Variants in CNTN5 observed in about 807,000 individuals in gnomAD.
CNTN5 encodes contactin-5.
In CNTN5, 77 loss-of-function variants were observed where a neutral mutation model predicts 129.1. The ratio of observed to expected loss-of-function variants is 0.60; its 90% CI spans 0.50 to 0.72. The LOEUF is 0.72. Ranked by LOEUF, CNTN5 falls within the 30% of genes least tolerant of loss-of-function variation. The pLI is 0.00. For missense variants in CNTN5, 1,478 were observed against 1,328.8 expected, an observed-to-expected ratio of 1.11 and a Z score of -1.75; for synonymous variants, 509 against 465.6, an observed-to-expected ratio of 1.09 and a Z score of -1.20.
rs117469182 is a variant in CNTN5, at chr11:99,654,377, G to T, written c.55+98108G>T. ...GTATCAGCTTCTTAAATAGGCCATT[G>T]GCATTCTTAGAGGTTTAGCGTGGAT... On this transcript the variant is annotated intron_variant, in intron 3 of 24. Transcript: ENST00000524871. 6.9e-3 allele frequency among the ~76,000 whole-genome samples: 1,042 copies of T among 152,116 alleles called. 70 individuals carry two copies. In the East Asian group the frequency reaches 0.17, roughly 24 times the overall value.
intron 9 of CNTN5, among the ~76,000 whole-genome samples, chr11:100,026,074 T>G (rs1021697794): frequency 2.6e-5 from 4 of 152,122 alleles, no homozygotes; most frequent in Non-Finnish European, 5.9e-5. Flanking sequence ...AATCTCCTCT[T>G]TAATTGTAAT....
At chr11:99,392,960 T>C (rs528065548) in intron 2 of CNTN5, among the ~76,000 whole-genome samples, 1 of 151,950 alleles carries the variant, frequency 6.6e-6, no homozygotes, top group East Asian at 1.9e-4. Context: ...TTGAATAGCA[T>C]GTGGAAATAA....
chr11:99,465,879 T>TC (rs1474966445), intron 2 of CNTN5, among the ~76,000 whole-genome samples: 1 of 145,700 alleles, frequency 6.9e-6, no homozygotes, highest in Non-Finnish European at 1.5e-5. Context: ...CACACCTTTT[T>TC]TTTTTTTTTT....
intron 1 of CNTN5, among the ~76,000 whole-genome samples, chr11:99,161,140 TCTA>T (rs1397856865): frequency 1.3e-5 from 2 of 152,166 alleles, no homozygotes; most frequent in Non-Finnish European, 2.9e-5. Context: ...CTGATTGATA[TCTA>T]CATTAATTTA....
rs148172343 is a variant in CNTN5, at chr11:99,702,635, C to G, written c.56-116909C>G. ...AACAATAAATATTTCAAAATTGGAT[C>G]ATATTCACTCCAGCAGCATTTAAGC... On this transcript the variant is annotated intron_variant, in intron 3 of 24. Transcript: ENST00000524871. Among the ~76,000 whole-genome samples the G allele has an allele frequency of 2.0e-3, 300 of 151,026 alleles. 1 individual carries two copies. The highest frequency in any genetic ancestry group is 7.1e-3 in the African/African-American group (295 of 41,420).
intron 9 of CNTN5, among the ~76,000 whole-genome samples, chr11:100,047,804 A>T (rs1197757461): frequency 6.6e-6 from 1 of 151,506 alleles, no homozygotes; most frequent in African/African-American, 2.4e-5. Context: ...AGAGGACATT[A>T]TCTAATCCAT....
At chr11:100,329,183 T>C (rs1007846299) in intron 21 of CNTN5, among the ~76,000 whole-genome samples, 3 of 152,072 alleles carry the variant, frequency 2.0e-5, no homozygotes, top group South Asian at 4.1e-4. Context: ...TGGTGACCTG[T>C]ATGACTCAGC....
chr11:100,042,376 C>CT (rs960225882), intron 9 of CNTN5, among the ~76,000 whole-genome samples: 3 of 151,508 alleles, frequency 2.0e-5, no homozygotes, highest in Admixed American at 6.6e-5. Flanking sequence ...ACAATGTTTC[C>CT]TTTTTTTTGT....
intron 2 of CNTN5, among the ~76,000 whole-genome samples, chr11:99,416,500 T>C (rs960309697): frequency 3.9e-5 from 6 of 152,058 alleles, no homozygotes; most frequent in Non-Finnish European, 8.8e-5. Context: ...TTACCCAGGC[T>C]GGTCTCAAAT....
intron 1 of CNTN5, among the ~76,000 whole-genome samples, chr11:99,047,171 A>T (rs1234464127): frequency 6.6e-6 from 1 of 152,000 alleles, no homozygotes; most frequent in Non-Finnish European, 1.5e-5. Flanking sequence ...ATATGAGTAA[A>T]TATCAAAATG....
chr11:100,191,084 G>A (rs762567122), intron 13 of CNTN5, 42 bp from the exon 14 acceptor site: 1 of 1,399,892 alleles, frequency 7.1e-7, no homozygotes, highest in East Asian at 2.4e-5. Context: ...TTAGCTGATT[G>A]CAGTAAAACA....
At position 100,175,809 on chromosome 11, in the gene CNTN5, T is replaced by C. The variant is rs1947946936; in HGVS notation, c.1581-15317T>C. Among the ~76,000 whole-genome samples the C allele has an allele frequency of 2.0e-5, 3 of 152,132 alleles. 1 individual carries two copies. The South Asian group carries it at 6.2e-4, about 31-fold the overall frequency. ...GAAACAAAGTTGGGAAGAAAAGTAG[T>C]ATGATGTCTGACACATGAGGTGATC... On this transcript the variant is annotated intron_variant, in intron 13 of 24. Coordinates refer to ENST00000524871, the MANE Select transcript of CNTN5 (RefSeq NM_014361.4).
chr11:99,027,789 A>C (rs1478190862), intron 1 of CNTN5, among the ~76,000 whole-genome samples: 3 of 151,706 alleles, frequency 2.0e-5, no homozygotes, highest in Non-Finnish European at 4.4e-5. Flanking sequence ...TTTAATTGAC[A>C]AATTATGACA....
chr11:100,336,463 A>C lies in CNTN5; in HGVS notation c.2731-4000A>C, dbSNP rs1002891153. Among the ~76,000 whole-genome samples the C allele has an allele frequency of 6.6e-4, 101 of 152,360 alleles. 1 individual carries two copies. Among genetic ancestry groups the C allele is most frequent in the African/African-American group, 2.3e-3 (95 of 41,594 alleles). ...AAGAGAATGAAAGCAGGACATAAAA[A>C]GTATAATTATTTTAAATACATAAAA... On this transcript the variant is annotated intron_variant, in intron 21 of 24. Transcript: ENST00000524871.
At chr11:99,390,493 T>TAA (rs1200720340) in intron 2 of CNTN5, among the ~76,000 whole-genome samples, 3 of 152,184 alleles carry the variant, frequency 2.0e-5, no homozygotes, top group African/African-American at 7.2e-5. Context: ...ATGACATATA[T>TAA]AAAGTATCTT....
At chr11:99,550,688 T>A (rs1178190040) in intron 2 of CNTN5, among the ~76,000 whole-genome samples, 1 of 152,218 alleles carries the variant, frequency 6.6e-6, no homozygotes, top group Non-Finnish European at 1.5e-5. Context: ...TCTACTGTTC[T>A]AATTTCACAG....
chr11:100,250,523 C>T (rs1225588791), intron 16 of CNTN5, among the ~76,000 whole-genome samples: 1 of 151,910 alleles, frequency 6.6e-6, no homozygotes, highest in African/African-American at 2.4e-5. Flanking sequence ...CCTAATATTT[C>T]ATTATAAGAA....
In CNTN5 at chr11:100,309,215, A is replaced by C. The variant is rs1342021962; in HGVS notation, c.2730+747A>C. On this transcript the variant is annotated intron_variant, in intron 21 of 24. Transcript: ENST00000524871. Reference sequence around the variant, plus strand: ...CCCAAGACTTTAGTTGCATTTAAAAAAATTTATTCTTACTTTTCCTCTGCT... The same window carrying C: ...CCCAAGACTTTAGTTGCATTTAAAACAATTTATTCTTACTTTTCCTCTGCT... 6 of 984,912 alleles carry C rather than the reference A, an allele frequency of 6.1e-6. No individual in the cohort carries two copies. The East Asian group carries it at 5.7e-4, about 93-fold the overall frequency. 61.0% of individuals were successfully genotyped at this position (984,912 alleles called of 1,614,324 possible).
intron 1 of CNTN5, among the ~76,000 whole-genome samples, chr11:99,096,885 A>C (rs898145131): frequency 2.6e-5 from 4 of 151,890 alleles, no homozygotes; most frequent in Admixed American, 2.6e-4. Flanking sequence ...TATACTTTGC[A>C]GATAATGATT....
Sources: allele counts gnomAD v4.1 joint callset (sites outside exome capture counted in the v4.1 genomes callset), GRCh38; gene constraint gnomAD v4.1.1; transcripts MANE v1.5; gene names NCBI Gene and HGNC (gene_info 2026-07-23, HGNC 2026-07-21).